SORCS1: variants seen among roughly 807,000 people sequenced by gnomAD.
SORCS1 encodes sortilin related VPS10 domain containing receptor 1, also known as VPS10 domain-containing receptor SorCS1.
Under a neutral mutation model 146.1 loss-of-function variants are expected in SORCS1, and 60 were observed. The ratio of observed to expected loss-of-function variants is 0.41; its 90% CI spans 0.33 to 0.51. The LOEUF (loss-of-function observed/expected upper bound fraction) is 0.51. Among genes scored for constraint, SORCS1 ranks in the 20% least tolerant of loss-of-function variants. The pLI is 0.21. For synonymous variants in SORCS1, 637 were observed against 584.0 expected (o/e 1.09, Z -1.31); for missense variants, 1,352 against 1,487.6 (o/e 0.91, Z 1.50).
chr10:106,996,132 G>C (rs950746788), intron 1 of SORCS1, among the ~76,000 whole-genome samples: 3 of 151,456 alleles, frequency 2.0e-5, no homozygotes, highest in Admixed American at 6.6e-5. Flanking sequence ...TACTGGAAAG[G>C]CTGAGGCAGA....
intron 2 of SORCS1, among the ~76,000 whole-genome samples, chr10:106,863,367 G>A (rs59545543): frequency 0.032 from 4,903 of 151,958 alleles, 236 homozygotes; most frequent in African/African-American, 0.11. Context: ...TGTAGTAAAA[G>A]TACAAAAATT....
intron 1 of SORCS1, among the ~76,000 whole-genome samples, chr10:107,038,476 C>T (rs1959008694): frequency 6.6e-6 from 1 of 151,876 alleles, no homozygotes; most frequent in South Asian, 2.1e-4. Context: ...ACCAACATGG[C>T]ACATGTATAC....
At chr10:106,652,588 C>G in intron 17 of SORCS1, 35 bp from the exon 18 acceptor site, 1 of 1,600,750 alleles carries the variant, frequency 6.2e-7, no homozygotes, top group Non-Finnish European at 8.5e-7. Context: ...TAAACCAGCT[C>G]ATTATAATGT....
chr10:106,728,275 A>T lies in SORCS1; in HGVS notation c.1024+1775T>A, dbSNP rs1231270244. Among the ~76,000 whole-genome samples the T allele has an allele frequency of 3.3e-5, 5 of 150,290 alleles. 1 individual carries two copies. The East Asian group carries it at 9.9e-4, about 30-fold the overall frequency. The stretch of plus-strand genomic sequence containing the variant: ...TCTATCTCCAGTAAGCAAGACTTTT[A>T]AACAATGATGTGTTTACTTTTGCAT... On this transcript the variant is annotated intron_variant, in intron 6 of 25. Coordinates refer to ENST00000263054, the MANE Select transcript of SORCS1 (RefSeq NM_052918.5).
chr10:107,001,675 G>A (rs1957230349), intron 1 of SORCS1, among the ~76,000 whole-genome samples: 3 of 152,166 alleles, frequency 2.0e-5, no homozygotes, highest in Admixed American at 2.0e-4. Flanking sequence ...TGTTGGCCAG[G>A]CTGGTCTGGA....
intron 19 of SORCS1, among the ~76,000 whole-genome samples, chr10:106,625,748 A>G (rs1482018076): frequency 6.6e-6 from 1 of 152,186 alleles, no homozygotes; most frequent in East Asian, 1.9e-4. Flanking sequence ...AAGGACTACA[A>G]GATCCACCTT....
intron 2 of SORCS1, among the ~76,000 whole-genome samples, chr10:106,949,737 A>C (rs1223611273): frequency 1.3e-5 from 2 of 152,184 alleles, no homozygotes; most frequent in Admixed American, 1.3e-4. Flanking sequence ...CTGGAGACCT[A>C]CTTAGAAGCC....
chr10:106,833,783 GTTA>G (rs34691171), intron 2 of SORCS1, among the ~76,000 whole-genome samples: 57,943 of 150,258 alleles, frequency 0.39, 11,158 homozygotes, highest in African/African-American at 0.4. Flanking sequence ...TCTTTCTTTT[GTTA>G]TTATTATTAT....
chr10:106,878,482 C>A (rs1950676876), intron 2 of SORCS1, among the ~76,000 whole-genome samples: 1 of 151,282 alleles, frequency 6.6e-6, no homozygotes. Flanking sequence ...GGCTGCCTTG[C>A]CCCTTTCTGC....
intron 24 of SORCS1, among the ~76,000 whole-genome samples, chr10:106,589,801 T>A (rs2133261806): frequency 6.6e-6 from 1 of 152,174 alleles, no homozygotes; most frequent in Non-Finnish European, 1.5e-5. Flanking sequence ...AACTTGTGTG[T>A]AAATACTTTG....
intron 2 of SORCS1, among the ~76,000 whole-genome samples, chr10:106,831,865 T>G (rs546882505): frequency 6.6e-6 from 1 of 152,306 alleles, no homozygotes; most frequent in East Asian, 1.9e-4. Context: ...TGGGTAAGTT[T>G]AGAAAACAAA....
intron 2 of SORCS1, among the ~76,000 whole-genome samples, chr10:106,916,002 G>A (rs1952407776): frequency 6.6e-6 from 1 of 152,120 alleles, no homozygotes; most frequent in Non-Finnish European, 1.5e-5. Context: ...TGGCTCTATC[G>A]AGACTTCCTT....
chr10:106,796,407 T>C (rs1278236718), intron 3 of SORCS1, among the ~76,000 whole-genome samples: 2 of 152,002 alleles, frequency 1.3e-5, no homozygotes, highest in Non-Finnish European at 2.9e-5. Flanking sequence ...ACATACAATG[T>C]TTCTCACCAG....
chr10:107,127,667 T>C (rs1033421287), intron 1 of SORCS1, among the ~76,000 whole-genome samples: 2 of 152,184 alleles, frequency 1.3e-5, no homozygotes, highest in Admixed American at 1.3e-4. Context: ...TGTGCTTCCA[T>C]CCTGCATAGA....
chr10:106,689,746 C>G (rs1196278330), intron 9 of SORCS1, among the ~76,000 whole-genome samples: 4 of 152,162 alleles, frequency 2.6e-5, no homozygotes, highest in Non-Finnish European at 5.9e-5. Flanking sequence ...GATTCACACC[C>G]AAATCTGCCT....
At chr10:107,003,469 T>C (rs1957303134) in intron 1 of SORCS1, among the ~76,000 whole-genome samples, 2 of 144,836 alleles carry the variant, frequency 1.4e-5, no homozygotes, top group African/African-American at 5.5e-5. Context: ...TGTGTGTGTG[T>C]GTGTAGTAAT....
At chr10:107,022,939 T>G (rs374361396) in intron 1 of SORCS1, among the ~76,000 whole-genome samples, 1 of 152,168 alleles carries the variant, frequency 6.6e-6, no homozygotes, top group African/African-American at 2.4e-5. Flanking sequence ...CACTTTTCAA[T>G]AGAGTAAAAC....
At chr10:106,919,277 G>A (rs1460321465) in intron 2 of SORCS1, among the ~76,000 whole-genome samples, 1 of 152,176 alleles carries the variant, frequency 6.6e-6, no homozygotes, top group Admixed American at 6.5e-5. Flanking sequence ...ATTAGTGTGA[G>A]GTACTTTCAC....
intron 1 of SORCS1, among the ~76,000 whole-genome samples, chr10:106,989,790 C>A (rs960890405): frequency 8.7e-5 from 13 of 149,406 alleles, no homozygotes; most frequent in Admixed American, 2.7e-4. Context: ...AGCTTCATGC[C>A]ATTCTCCCAC....
Sources: gnomAD v4.1 joint callset for allele counts (sites outside exome capture counted in the v4.1 genomes callset) on GRCh38, gnomAD v4.1.1 for gene constraint, MANE v1.5 for transcripts, NCBI Gene and HGNC (gene_info 2026-07-23, HGNC 2026-07-21) for gene names.